TDRD12: variants seen among roughly 807,000 people sequenced by gnomAD.
TDRD12 encodes putative ATP-dependent RNA helicase TDRD12.
TDRD12 carries 158 observed loss-of-function variants against 133.5 expected under a neutral mutation model. The observed-to-expected ratio is 1.18, with a 90% confidence interval of 1.04 to 1.35. The LOEUF is 1.35. Among genes scored for constraint, TDRD12 ranks in the 40% most tolerant of loss-of-function variants. TDRD12 has a pLI of 0.00. For synonymous variants in TDRD12, 460 were observed against 477.9 expected, an observed-to-expected ratio of 0.96 and a Z score of 0.49; for missense variants, 1,443 against 1,321.3, an observed-to-expected ratio of 1.09 and a Z score of -1.43.
At position 32,754,662 on chromosome 19, in the gene TDRD12, ACT is replaced by A. The variant is rs929388018; in HGVS notation, c.583-1327_583-1326del. Among the ~76,000 whole-genome samples the A allele has an allele frequency of 2.1e-5, 3 of 141,176 alleles. No individual in the cohort carries two copies. In the Admixed American group the frequency reaches 2.2e-4, roughly 10 times the overall value. The allele number at this position is 141,176 out of a possible 152,430, so 92.6% of individuals were successfully genotyped here. ...CCATGTAGGTTGTATGTTGATAATG[ACT>A]CTATCTTTTTTTTTTTTTTTTTTTT... On this transcript the variant is annotated intron_variant, in intron 6 of 27. Coordinates refer to ENST00000444215, the Ensembl canonical transcript of TDRD12.
At chr19:32,736,368 T>G in intron 2 of TDRD12, among the ~76,000 whole-genome samples, 1 of 152,146 alleles carries the variant, frequency 6.6e-6, no homozygotes, top group African/African-American at 2.4e-5. Flanking sequence ...CTAGGCAATG[T>G]AGTGATGAGA....
At chr19:32,765,452 C>T (rs528995769) in intron 8 of TDRD12, among the ~76,000 whole-genome samples, 75 of 152,184 alleles carry the variant, frequency 4.9e-4, no homozygotes, top group South Asian at 8.3e-4. Flanking sequence ...ATGTTTATTG[C>T]GGCACTATTC....
chr19:32,790,893 G>C lies in TDRD12; in HGVS notation c.1183-71G>C. Reference sequence around the variant, plus strand: ...TGAAATCTATATTTTCTTCATTTCTGTGAAGTTCTTGATCTCCTGTGCTGA... The same window carrying C: ...TGAAATCTATATTTTCTTCATTTCTCTGAAGTTCTTGATCTCCTGTGCTGA... On this transcript the variant is annotated intron_variant, in intron 12 of 27. Coordinates refer to ENST00000444215, the Ensembl canonical transcript of TDRD12. The C allele has an allele frequency of 2.0e-6, 3 of 1,490,256 alleles. No homozygotes were observed. In the South Asian group the frequency reaches 3.9e-5, roughly 19 times the overall value. The allele number at this position is 1,490,256 out of a possible 1,614,324, so 92.3% of individuals were successfully genotyped here.
chr19:32,820,836 A>C (rs1342738194), intron 27 of TDRD12, among the ~76,000 whole-genome samples, 197 bp from the exon 28 acceptor site: 1 of 152,142 alleles, frequency 6.6e-6, no homozygotes, highest in African/African-American at 2.4e-5. Flanking sequence ...TCAGTCATGC[A>C]CTGTGTGCTT....
intron 1 of TDRD12, among the ~76,000 whole-genome samples, chr19:32,727,888 G>A (rs750054666): frequency 5.3e-5 from 8 of 152,180 alleles, no homozygotes; most frequent in Non-Finnish European, 8.8e-5. Flanking sequence ...GGCTTGTGTC[G>A]AACTCCTGAC....
At chr19:32,782,121 C>G (rs2145634421) in intron 11 of TDRD12, among the ~76,000 whole-genome samples, 1 of 151,174 alleles carries the variant, frequency 6.6e-6, no homozygotes, top group Middle Eastern at 3.4e-3. Context: ...TCCCCTAGCC[C>G]CCCACCCCCC....
intron 11 of TDRD12, among the ~76,000 whole-genome samples, chr19:32,780,945 T>TA (rs924182491): frequency 1.9e-4 from 5 of 26,198 alleles, no homozygotes; most frequent in Non-Finnish European, 3.3e-4. Flanking sequence ...TTAATCTATC[T>TA]TTTTTTTTTT....
chr19:32,793,185 CAATAATAATAAT>C (rs36078920), intron 13 of TDRD12, among the ~76,000 whole-genome samples: 10 of 149,236 alleles, frequency 6.7e-5, no homozygotes, highest in African/African-American at 2.5e-4. Context: ...ACTCTGTCTA[CAATAATAATAAT>C]AATAATAATA....
exon 10 of TDRD12, chr19:32,827,798 G>A (rs555714964): frequency 8.4e-4 from 128 of 152,364 alleles, no homozygotes; most frequent in African/African-American, 3.0e-3. Context: ...GACCATCAAA[G>A]GAGGGTGGAC....
chr19:32,763,738 G>A (rs2145571838), intron 8 of TDRD12, among the ~76,000 whole-genome samples: 1 of 152,278 alleles, frequency 6.6e-6, no homozygotes, highest in Non-Finnish European at 1.5e-5. Context: ...TTAACTAACG[G>A]AGGTGTCCGT....
intron 27 of TDRD12, 82 bp from the exon 28 acceptor site, chr19:32,820,951 G>A (rs535280648): frequency 9.6e-6 from 11 of 1,148,734 alleles, no homozygotes; most frequent in East Asian, 7.7e-5. Context: ...GGCACTTCAC[G>A]GTCATTTATT....
At chr19:32,809,986 C>A in intron 22 of TDRD12, 107 bp from the exon 23 acceptor site, 1 of 681,238 alleles carries the variant, frequency 1.5e-6, no homozygotes, top group Non-Finnish European at 2.1e-6. Context: ...CGTTGCTAAG[C>A]TTTGGTTTCT....
chr19:32,826,270 A>G, exon 8 of TDRD12: 1 of 1,462,442 alleles, frequency 6.8e-7, no homozygotes, highest in Non-Finnish European at 9.0e-7. Flanking sequence ...AAATGGTTCC[A>G]AAAAGAAGAT....
intron 6 of TDRD12, among the ~76,000 whole-genome samples, chr19:32,753,452 C>T (rs1352346256): frequency 6.6e-6 from 1 of 151,780 alleles, no homozygotes; most frequent in Non-Finnish European, 1.5e-5. Context: ...ATCCTCCAGC[C>T]TCACCCTCTC....
chr19:32,798,201 T>A (rs1971285861), intron 15 of TDRD12, 107 bp from the exon 16 acceptor site: 2 of 1,122,504 alleles, frequency 1.8e-6, no homozygotes, highest in Admixed American at 4.5e-5. Flanking sequence ...AAACAGTGTT[T>A]TACTTCATTA....
At chr19:32,737,985 A>G (rs554829377) in intron 2 of TDRD12, among the ~76,000 whole-genome samples, 2 of 152,190 alleles carry the variant, frequency 1.3e-5, no homozygotes, top group South Asian at 2.1e-4. Context: ...AAATTTCTTA[A>G]AATTATCTGG....
downstream of TDRD12, chr19:32,826,154 C>G (rs1967582391): frequency 6.5e-7 from 1 of 1,535,702 alleles, no homozygotes; most frequent in African/African-American, 1.4e-5. Context: ...ACAGCCGCCT[C>G]TGAAAAGGTA....
At chr19:32,807,697 A>T (rs1489551144) in intron 22 of TDRD12, 49 bp downstream of exon 22, 1 of 1,318,640 alleles carries the variant, frequency 7.6e-7, no homozygotes, top group Non-Finnish European at 1.0e-6. Flanking sequence ...GGTCATGTTA[A>T]TAAACGTGTT....
chr19:32,762,439 T>C (rs1386152127), intron 8 of TDRD12, among the ~76,000 whole-genome samples: 1 of 152,148 alleles, frequency 6.6e-6, no homozygotes, highest in Non-Finnish European at 1.5e-5. Flanking sequence ...AAAGAGAAGG[T>C]TGGGAGTTTT....
Sources: gnomAD v4.1 joint callset for allele counts (sites outside exome capture counted in the v4.1 genomes callset) on GRCh38, gnomAD v4.1.1 for gene constraint, MANE v1.5 for transcripts, NCBI Gene and HGNC (gene_info 2026-07-23, HGNC 2026-07-21) for gene names.